NPAS3: variants seen among roughly 807,000 people sequenced by gnomAD.
NPAS3 encodes neuronal PAS domain-containing protein 3.
In NPAS3, 14 loss-of-function variants were observed where a neutral mutation model predicts 73.1. The observed-to-expected ratio is 0.19, with a 90% CI of 0.13 to 0.30. The LOEUF (loss-of-function observed/expected upper bound fraction) is 0.30, where lower values mean the gene tolerates loss of function less well. Ranked by LOEUF, NPAS3 falls within the 10% of genes least tolerant of loss-of-function variation. The probability of loss-of-function intolerance (pLI) is 1.00; values close to 1 mark genes in which losing one functional copy is unlikely to be tolerated. For synonymous variants in NPAS3, 620 were observed against 541.5 expected, an observed-to-expected ratio of 1.14 and a Z score of -2.01; for missense variants, 1,096 against 1,250.0, an observed-to-expected ratio of 0.88 and a Z score of 1.86.
chr14:33,600,180 ATAT>A (rs1316334006), intron 5 of NPAS3, among the ~76,000 whole-genome samples: 3 of 152,204 alleles, frequency 2.0e-5, no homozygotes, highest in Non-Finnish European at 4.4e-5. Context: ...ATGAAGAGTC[ATAT>A]TATCCACAGA....
At chr14:33,711,940 G>A (rs147263229) in intron 6 of NPAS3, among the ~76,000 whole-genome samples, 19 of 152,200 alleles carry the variant, frequency 1.2e-4, no homozygotes, top group East Asian at 3.9e-4. Flanking sequence ...CTTCTACCCC[G>A]TTGGGCAGAG....
At chr14:32,975,332 C>CACTCCCTGCCTCCGTCACT (rs2037619499) in intron 1 of NPAS3, among the ~76,000 whole-genome samples, 1 of 150,894 alleles carries the variant, frequency 6.6e-6, no homozygotes, top group African/African-American at 2.4e-5. Flanking sequence ...CTGCCTCCTT[C>CACTCCCTGCCTCCGTCACT]CCTTTTTAGA....
At chr14:33,730,558 G>A (rs553364177) in intron 6 of NPAS3, among the ~76,000 whole-genome samples, 1 of 152,304 alleles carries the variant, frequency 6.6e-6, no homozygotes, top group East Asian at 1.9e-4. Context: ...ATCATGACTG[G>A]CTCTTGAAAA....
At chr14:33,156,445 C>T (rs565936524) in intron 2 of NPAS3, among the ~76,000 whole-genome samples, 21 of 152,314 alleles carry the variant, frequency 1.4e-4, no homozygotes, top group African/African-American at 5.1e-4. Flanking sequence ...GTAACATATT[C>T]TCACATGTTA....
chr14:33,276,446 C>A (rs2041338378), intron 3 of NPAS3, among the ~76,000 whole-genome samples: 1 of 152,088 alleles, frequency 6.6e-6, no homozygotes, highest in Non-Finnish European at 1.5e-5. Context: ...TCCCATCTCC[C>A]TATTATGAAC....
intron 5 of NPAS3, chr14:33,578,360 AT>A: frequency 2.7e-6 from 1 of 367,960 alleles, no homozygotes; most frequent in South Asian, 2.1e-5. Flanking sequence ...CACCTGGCTA[AT>A]TTTTTGTATT....
intron 6 of NPAS3, among the ~76,000 whole-genome samples, chr14:33,725,893 T>G (rs1566471158): frequency 6.6e-6 from 1 of 152,142 alleles, no homozygotes; most frequent in Non-Finnish European, 1.5e-5. Context: ...GCAAACAACT[T>G]TATTGAAATT....
At chr14:33,241,928 T>C (rs1319867907) in intron 3 of NPAS3, among the ~76,000 whole-genome samples, 1 of 152,050 alleles carries the variant, frequency 6.6e-6, no homozygotes, top group Admixed American at 6.6e-5. Context: ...CTTCTAGACA[T>C]GCATATTGAT....
At chr14:32,996,945 G>A (rs774336284) in intron 1 of NPAS3, among the ~76,000 whole-genome samples, 2 of 152,256 alleles carry the variant, frequency 1.3e-5, no homozygotes, top group African/African-American at 4.8e-5. Context: ...ACCGTGTATC[G>A]GGAAAAGCCA....
At chr14:33,364,087 A>C (rs746652231) in intron 3 of NPAS3, among the ~76,000 whole-genome samples, 3 of 152,204 alleles carry the variant, frequency 2.0e-5, no homozygotes, top group Admixed American at 2.0e-4. Context: ...GTAAGTATAC[A>C]GTGTGTCTGG....
chr14:33,726,685 A>C (rs1287978572), intron 6 of NPAS3, among the ~76,000 whole-genome samples: 1 of 152,212 alleles, frequency 6.6e-6, no homozygotes, highest in Non-Finnish European at 1.5e-5. Flanking sequence ...AAAGGTAAGC[A>C]CTGTTATGAA....
chr14:33,294,063 A>C (rs2140121679), intron 3 of NPAS3, among the ~76,000 whole-genome samples: 1 of 152,270 alleles, frequency 6.6e-6, no homozygotes, highest in South Asian at 2.1e-4. Context: ...CATGAGAAAA[A>C]CACAAATTTT....
intron 2 of NPAS3, among the ~76,000 whole-genome samples, chr14:33,062,221 T>C (rs2041130096): frequency 6.6e-6 from 1 of 152,128 alleles, no homozygotes; most frequent in Non-Finnish European, 1.5e-5. Context: ...TCTCCTCTTC[T>C]TTGTTTCACA....
At chr14:33,144,317 GT>G (rs1566606524) in intron 2 of NPAS3, among the ~76,000 whole-genome samples, 5 of 152,178 alleles carry the variant, frequency 3.3e-5, no homozygotes, top group African/African-American at 9.7e-5. Flanking sequence ...GAAGAAGGAC[GT>G]TGAGCATCTT....
intron 8 of NPAS3, among the ~76,000 whole-genome samples, chr14:33,776,706 G>A (rs2062831969): frequency 1.3e-5 from 2 of 152,138 alleles, no homozygotes; most frequent in African/African-American, 4.8e-5. Flanking sequence ...GCACTATGCT[G>A]TGTTAATTTC....
At chr14:33,330,279 C>G (rs1048070082) in intron 3 of NPAS3, among the ~76,000 whole-genome samples, 2 of 152,100 alleles carry the variant, frequency 1.3e-5, no homozygotes, top group Non-Finnish European at 2.9e-5. Context: ...CAACAAAAAA[C>G]ACTGCACGAA....
At chr14:33,197,368 G>C (rs1040922857) in intron 2 of NPAS3, among the ~76,000 whole-genome samples, 3 of 151,896 alleles carry the variant, frequency 2.0e-5, no homozygotes, top group Admixed American at 2.0e-4. Context: ...GCTCCCACCT[G>C]CTGTGAGTGA....
At chr14:33,502,088 A>G (rs2052544186) in intron 4 of NPAS3, among the ~76,000 whole-genome samples, 1 of 151,928 alleles carries the variant, frequency 6.6e-6, no homozygotes, top group African/African-American at 2.4e-5. Flanking sequence ...TCCCAAATCT[A>G]TAGCAGCATT....
intron 4 of NPAS3, among the ~76,000 whole-genome samples, chr14:33,529,618 T>C (rs2053954217): frequency 6.6e-6 from 1 of 151,858 alleles, no homozygotes; most frequent in African/African-American, 2.4e-5. Context: ...ACAAGAAATA[T>C]TTTTTTTCTT....
Sources: allele counts gnomAD v4.1 joint callset (sites outside exome capture counted in the v4.1 genomes callset), GRCh38; gene constraint gnomAD v4.1.1; transcripts MANE v1.5; gene names NCBI Gene and HGNC (gene_info 2026-07-23, HGNC 2026-07-21).